The following CCDC60 variants were observed in gnomAD, a reference collection of about 807,000 sequenced individuals.
The protein encoded by CCDC60 is coiled-coil domain-containing protein 60.
Under a neutral mutation model 63.5 loss-of-function variants are expected in CCDC60, and 54 were observed. The observed-to-expected ratio is 0.85, with a 90% confidence interval of 0.68 to 1.07. CCDC60 has a LOEUF of 1.07. Among genes scored for constraint, CCDC60 ranks in the 50% least tolerant of loss-of-function variants. CCDC60 has a pLI of 0.00. For missense variants in CCDC60, 651 were observed against 684.3 expected (o/e 0.95, Z 0.54); for synonymous variants, 206 against 238.8 (o/e 0.86, Z 1.27).
At chr12:119,458,971 T>C (rs10849664) in intron 2 of CCDC60, among the ~76,000 whole-genome samples, 21,340 of 152,066 alleles carry the variant, frequency 0.14, 1,634 homozygotes, top group East Asian at 0.3. Context: ...TGGTCTCGAA[T>C]TCCTGACCTC....
At chr12:119,422,064 C>T (rs76611007) in intron 1 of CCDC60, among the ~76,000 whole-genome samples, 1,549 of 152,260 alleles carry the variant, frequency 0.01, 25 homozygotes, top group African/African-American at 0.035. Flanking sequence ...CTCTCAAAAA[C>T]TCATTGGGTC....
intron 8 of CCDC60, among the ~76,000 whole-genome samples, 160 bp downstream of exon 8, chr12:119,516,867 T>A (rs1415637050): frequency 6.6e-6 from 1 of 152,178 alleles, no homozygotes; most frequent in Non-Finnish European, 1.5e-5. Context: ...TCCTACAAGG[T>A]AGGTACTATT....
intron 7 of CCDC60, among the ~76,000 whole-genome samples, chr12:119,509,426 C>G (rs1051492853): frequency 6.6e-6 from 1 of 152,102 alleles, no homozygotes; most frequent in Non-Finnish European, 1.5e-5. Flanking sequence ...CTGACATAGC[C>G]AGACCCCATC....
chr12:119,401,130 T>A (rs1417601661), intron 1 of CCDC60, among the ~76,000 whole-genome samples: 3 of 152,196 alleles, frequency 2.0e-5, no homozygotes, highest in Non-Finnish European at 4.4e-5. Flanking sequence ...CATTCTCAGA[T>A]GAAGAAAGAG....
At chr12:119,458,829 C>G (rs1950798002) in intron 2 of CCDC60, among the ~76,000 whole-genome samples, 1 of 152,124 alleles carries the variant, frequency 6.6e-6, no homozygotes, top group African/African-American at 2.4e-5. Context: ...TCACAGTAAC[C>G]TCCACCTCCT....
intron 2 of CCDC60, among the ~76,000 whole-genome samples, chr12:119,465,167 G>T (rs556373069): frequency 6.6e-6 from 1 of 151,872 alleles, no homozygotes; most frequent in Non-Finnish European, 1.5e-5. Context: ...AAAACAATTA[G>T]CCAGGCCTGG....
At chr12:119,433,665 T>TTAAC (rs1193060683) in intron 2 of CCDC60, 2 of 689,430 alleles carry the variant, frequency 2.9e-6, no homozygotes, top group Non-Finnish European at 5.3e-6. Flanking sequence ...CCATTGTTTC[T>TTAAC]TAACTTTGTT....
chr12:119,433,529 C>A (rs768123424), intron 2 of CCDC60: 1 of 702,286 alleles, frequency 1.4e-6, no homozygotes, highest in Non-Finnish European at 2.6e-6. Context: ...ATCAGGATTC[C>A]CCTTCAGAAG....
intron 1 of CCDC60, among the ~76,000 whole-genome samples, chr12:119,394,229 A>T (rs1956210873): frequency 6.6e-6 from 1 of 152,198 alleles, no homozygotes; most frequent in African/African-American, 2.4e-5. Flanking sequence ...AAGATAAAGG[A>T]CTTGTCCAAG....
At chr12:119,361,469 G>A (rs890175376) in intron 1 of CCDC60, among the ~76,000 whole-genome samples, 4 of 152,008 alleles carry the variant, frequency 2.6e-5, no homozygotes, top group Admixed American at 6.6e-5. Flanking sequence ...TGTCAAAATG[G>A]CCACCAGCAG....
chr12:119,346,780 C>CTTTCTTTT (rs1415701660), intron 1 of CCDC60, among the ~76,000 whole-genome samples: 1 of 65,624 alleles, frequency 1.5e-5, no homozygotes, highest in African/African-American at 6.4e-5. Flanking sequence ...CTTTCTCTTT[C>CTTTCTTTT]TTTCTTTCTT....
chr12:119,485,786 T>C (rs1951425677), intron 4 of CCDC60, among the ~76,000 whole-genome samples: 1 of 152,190 alleles, frequency 6.6e-6, no homozygotes, highest in Admixed American at 6.5e-5. Flanking sequence ...ATCTGGTATG[T>C]CCACAATTCA....
chr12:119,440,331 C>T (rs1021201711), intron 2 of CCDC60, among the ~76,000 whole-genome samples: 3 of 152,072 alleles, frequency 2.0e-5, no homozygotes, highest in African/African-American at 7.2e-5. Flanking sequence ...GAGATCAAGA[C>T]CATCCTGCCT....
chr12:119,407,145 G>A (rs1015084105), intron 1 of CCDC60, among the ~76,000 whole-genome samples: 4 of 152,116 alleles, frequency 2.6e-5, no homozygotes, highest in African/African-American at 9.7e-5. Context: ...GGTGGGGTGT[G>A]TGTACGTAAA....
At chr12:119,448,982 A>C (rs1950586806) in intron 2 of CCDC60, among the ~76,000 whole-genome samples, 1 of 151,684 alleles carries the variant, frequency 6.6e-6, no homozygotes, top group Non-Finnish European at 1.5e-5. Flanking sequence ...CATAGAAGTC[A>C]GGCGGTGGGG....
chr12:119,534,273 G>GCTGA (rs1952939737), intron 13 of CCDC60, among the ~76,000 whole-genome samples: 1 of 152,166 alleles, frequency 6.6e-6, no homozygotes, highest in East Asian at 1.9e-4. Flanking sequence ...TTTGTATCTT[G>GCTGA]AGACTTTGCT....
chr12:119,361,029 C>T (rs951622852), intron 1 of CCDC60, among the ~76,000 whole-genome samples: 56 of 152,058 alleles, frequency 3.7e-4, no homozygotes, highest in African/African-American at 1.2e-3. Flanking sequence ...GCAGGCACTC[C>T]GCAGGCTGAG....
At chr12:119,531,291 T>C (rs967396794) in intron 13 of CCDC60, among the ~76,000 whole-genome samples, 3 of 152,146 alleles carry the variant, frequency 2.0e-5, no homozygotes, top group Non-Finnish European at 2.9e-5. Flanking sequence ...GGCTTTGGGG[T>C]GGCATAAAAA....
intron 4 of CCDC60, among the ~76,000 whole-genome samples, chr12:119,481,566 G>C (rs1002621011): frequency 2.0e-5 from 3 of 152,110 alleles, no homozygotes; most frequent in African/African-American, 4.8e-5. Context: ...CAGAAAGGGG[G>C]AAGAACCTGC....
Sources: allele counts gnomAD v4.1 joint callset (sites outside exome capture counted in the v4.1 genomes callset), GRCh38; gene constraint gnomAD v4.1.1; transcripts MANE v1.5; gene names NCBI Gene and HGNC (gene_info 2026-07-23, HGNC 2026-07-21).